The following LGSN variants were observed in gnomAD, a reference collection of about 807,000 sequenced individuals.
LGSN encodes lengsin, lens protein with glutamine synthetase domain, also known as lengsin.
In LGSN, 21 loss-of-function variants were observed where a neutral mutation model predicts 19.5. The ratio of observed to expected loss-of-function variants is 1.07; its 90% confidence interval spans 0.76 to 1.55. The LOEUF is 1.55. Ranked by LOEUF, LGSN falls within the 40% of genes most tolerant of loss-of-function variation. The probability of loss-of-function intolerance (pLI) is 0.00; values close to 1 mark genes in which losing one functional copy is unlikely to be tolerated. For missense variants in LGSN, 673 were observed against 608.5 expected (o/e 1.11, Z -1.12); for synonymous variants, 257 against 215.6 (o/e 1.19, Z -1.68).
At chr6:63,443,125 C>T in the LGSN span, among the ~76,000 whole-genome samples, 15 of 152,304 alleles carry the variant, frequency 9.8e-5, no homozygotes, top group African/African-American at 2.9e-4. Flanking sequence ...GAATTCAAGC[C>T]GGGTGCGGAC....
chr6:63,572,482 C>T, the LGSN span: 12 of 389,244 alleles, frequency 3.1e-5, no homozygotes, highest in Non-Finnish European at 4.1e-5. Context: ...GCAAGGGCGC[C>T]TCGGCGCGTG....
At chr6:63,527,646 A>G in the LGSN span, among the ~76,000 whole-genome samples, 40 of 152,236 alleles carry the variant, frequency 2.6e-4, no homozygotes, top group African/African-American at 9.6e-4. Context: ...GAAAACTGAG[A>G]CTCTGAGAAC....
chr6:63,451,832 A>G, the LGSN span, among the ~76,000 whole-genome samples: 3 of 152,114 alleles, frequency 2.0e-5, no homozygotes, highest in Non-Finnish European at 4.4e-5. Flanking sequence ...TGGTCACACA[A>G]TTTTTCGTCT....
At chr6:63,289,014 A>T (rs76784148) in intron 2 of LGSN, among the ~76,000 whole-genome samples, 5,712 of 152,264 alleles carry the variant, frequency 0.038, 356 homozygotes, top group African/African-American at 0.13. Context: ...TTCAGTGTCC[A>T]AATTGGCACC....
the LGSN span, among the ~76,000 whole-genome samples, chr6:63,447,349 G>T: frequency 2.6e-5 from 4 of 152,232 alleles, no homozygotes; most frequent in East Asian, 7.7e-4. Context: ...GCATGTTTAG[G>T]TTGGGTTGCC....
At chr6:63,503,645 C>A in the LGSN span, among the ~76,000 whole-genome samples, 1 of 152,144 alleles carries the variant, frequency 6.6e-6, no homozygotes, top group Admixed American at 6.6e-5. Context: ...CCAGGCACAG[C>A]GGCTCATGCC....
At position 63,276,682 on chromosome 6, in the gene LGSN, T is replaced by A. The variant is rs992234560; in HGVS notation, c.*3339A>T. 2.8e-4 allele frequency: 42 copies of A among 152,222 alleles called. No homozygotes were observed. Among genetic ancestry groups the A allele is most frequent in the African/African-American group, 9.9e-4 (41 of 41,458 alleles). 9.4% of individuals were successfully genotyped at this position (152,222 alleles called of 1,614,324 possible). On this transcript the variant is annotated 3_prime_UTR_variant, in exon 4 of 4. Transcript: ENST00000370657. Reference sequence around the variant, plus strand: ...ATACACAGATCCAAAACTCTTTCATTGTCTGCTCATCTTTGTTTTGGTCTC... The same window carrying A: ...ATACACAGATCCAAAACTCTTTCATAGTCTGCTCATCTTTGTTTTGGTCTC...
chr6:63,441,808 A>G, the LGSN span: 1 of 314,272 alleles, frequency 3.2e-6, no homozygotes, highest in South Asian at 2.9e-5. Flanking sequence ...CTGTGCTGAA[A>G]CTGCTGCTGC....
the LGSN span, among the ~76,000 whole-genome samples, chr6:63,384,408 T>G: frequency 6.6e-6 from 1 of 152,314 alleles, no homozygotes; most frequent in African/African-American, 2.4e-5. Flanking sequence ...ACTACCGTTA[T>G]GAGCAGAATT....
the LGSN span, among the ~76,000 whole-genome samples, chr6:63,511,036 C>A: frequency 6.6e-6 from 1 of 152,002 alleles, no homozygotes; most frequent in African/African-American, 2.4e-5. Context: ...ATAAAATGTG[C>A]TTGGTAGAAT....
the LGSN span, among the ~76,000 whole-genome samples, chr6:63,471,932 A>G: frequency 6.6e-6 from 1 of 152,184 alleles, no homozygotes; most frequent in African/African-American, 2.4e-5. Flanking sequence ...GTGAGGATCC[A>G]GCAAGAAGGT....
At chr6:63,510,038 A>C in the LGSN span, among the ~76,000 whole-genome samples, 1 of 152,220 alleles carries the variant, frequency 6.6e-6, no homozygotes, top group Non-Finnish European at 1.5e-5. Flanking sequence ...CATCTAATAA[A>C]GCTTCGGTTA....
At chr6:63,505,613 G>T in the LGSN span, among the ~76,000 whole-genome samples, 20,186 of 102,020 alleles carry the variant, frequency 0.2, 4,486 homozygotes, top group Admixed American at 0.3. Context: ...AAGAAAGAAA[G>T]AAAGAAAGAA....
the LGSN span, among the ~76,000 whole-genome samples, chr6:63,572,973 C>T: frequency 6.6e-6 from 1 of 152,212 alleles, no homozygotes; most frequent in East Asian, 1.9e-4. Flanking sequence ...GCTTTTGAGT[C>T]CCTCCCGAGC....
the LGSN span, among the ~76,000 whole-genome samples, chr6:63,533,950 T>A: frequency 8.7e-3 from 1,323 of 152,056 alleles, 22 homozygotes; most frequent in African/African-American, 0.03. Flanking sequence ...TTCAAGTGAT[T>A]CTCGTGCCTC....
chr6:63,524,553 G>T, the LGSN span, among the ~76,000 whole-genome samples: 2 of 152,120 alleles, frequency 1.3e-5, no homozygotes, highest in African/African-American at 4.8e-5. Context: ...TGTTCAATAT[G>T]TTTCAAGAAA....
At chr6:63,529,892 C>G in the LGSN span, among the ~76,000 whole-genome samples, 1 of 152,042 alleles carries the variant, frequency 6.6e-6, no homozygotes, top group African/African-American at 2.4e-5. Flanking sequence ...TCTGCAGTTA[C>G]CAGTAAGTTA....
At chr6:63,411,890 A>C in the LGSN span, among the ~76,000 whole-genome samples, 1 of 152,172 alleles carries the variant, frequency 6.6e-6, no homozygotes, top group Non-Finnish European at 1.5e-5. Flanking sequence ...GCACTATCAA[A>C]TGTGCAAGTA....
At chr6:63,340,362 T>C in the LGSN span, among the ~76,000 whole-genome samples, 1 of 152,130 alleles carries the variant, frequency 6.6e-6, no homozygotes, top group South Asian at 2.1e-4. Context: ...ATTTTCTACA[T>C]GTTTCCCCAT....
Sources: gnomAD v4.1 joint callset for allele counts (sites outside exome capture counted in the v4.1 genomes callset) on GRCh38, gnomAD v4.1.1 for gene constraint, MANE v1.5 for transcripts, NCBI Gene and HGNC (gene_info 2026-07-23, HGNC 2026-07-21) for gene names.